CDC42BPA: variants seen among roughly 807,000 people sequenced by gnomAD.
CDC42BPA encodes serine/threonine-protein kinase MRCK alpha.
In CDC42BPA, 80 loss-of-function variants were observed where a neutral mutation model predicts 223.5. The ratio of observed to expected loss-of-function variants is 0.36; its 90% CI spans 0.30 to 0.43. CDC42BPA has a LOEUF of 0.43. Among genes scored for constraint, CDC42BPA ranks in the 20% least tolerant of loss-of-function variants. CDC42BPA has a pLI of 1.00. For missense variants in CDC42BPA, 1,743 were observed against 2,099.9 expected (o/e 0.83, Z 3.32); for synonymous variants, 694 against 718.6 (o/e 0.97, Z 0.55).
At chr1:227,291,218 G>A (rs555541210) in intron 1 of CDC42BPA, among the ~76,000 whole-genome samples, 5 of 152,126 alleles carry the variant, frequency 3.3e-5, no homozygotes, top group Admixed American at 6.5e-5. Flanking sequence ...ATGTTGCTCC[G>A]GTGCCATCTG....
chr1:227,195,771 C>G (rs187369066), intron 4 of CDC42BPA, among the ~76,000 whole-genome samples: 13 of 152,156 alleles, frequency 8.5e-5, no homozygotes, highest in Admixed American at 7.9e-4. Context: ...TAATCACAAA[C>G]TACTTTTAAA....
intron 3 of CDC42BPA, among the ~76,000 whole-genome samples, chr1:227,208,951 T>A (rs568858178): frequency 1.3e-5 from 2 of 152,094 alleles, no homozygotes; most frequent in African/African-American, 4.8e-5. Context: ...ATGGGCAGTA[T>A]GGCCATTTTC....
At chr1:226,999,036 C>T (rs1009000181) in intron 35 of CDC42BPA, among the ~76,000 whole-genome samples, 2 of 151,618 alleles carry the variant, frequency 1.3e-5, no homozygotes, top group African/African-American at 2.4e-5. Context: ...AAGAAACATA[C>T]AAAAAAAAGC....
At chr1:227,115,592 C>T (rs1335712436) in intron 12 of CDC42BPA, among the ~76,000 whole-genome samples, 1 of 151,390 alleles carries the variant, frequency 6.6e-6, no homozygotes, top group Non-Finnish European at 1.5e-5. Flanking sequence ...AATTGGAACA[C>T]GAACTATTTT....
intron 21 of CDC42BPA, among the ~76,000 whole-genome samples, chr1:227,057,910 A>C (rs190637579): frequency 6.6e-6 from 1 of 152,224 alleles, no homozygotes. Flanking sequence ...TTAATCCATA[A>C]TAAAATGAGA....
rs373530803 is a variant in CDC42BPA, at chr1:227,101,109, T to C, written c.2132A>G (p.His711Arg). 2.4e-5 allele frequency: 38 copies of C among 1,576,706 alleles called. No individual in the cohort carries two copies. Among genetic ancestry groups the C allele is most frequent in the Non-Finnish European group, 3.1e-5 (36 of 1,146,720 alleles). ...EEELSKREGI[H>R]ANEIKNLKKE... ...CTTAAGATTTTTTATTTCATTTGCA[T>C]GTATTCCTTCTCTTTTAGATAATTC... The change falls in exon 15 of 37, where the codon CAT (histidine) becomes CGT (arginine). Residue 711 changes from histidine (H) to arginine (R), a missense_variant. Coordinates refer to ENST00000366766, the MANE Select transcript of CDC42BPA (RefSeq NM_001394014.1).
At chr1:227,121,640 G>A (rs1291124716) in intron 11 of CDC42BPA, among the ~76,000 whole-genome samples, 1 of 151,988 alleles carries the variant, frequency 6.6e-6, no homozygotes, top group Non-Finnish European at 1.5e-5. Context: ...CTTAATCATG[G>A]TGTTTAGTCT....
intron 16 of CDC42BPA, 124 bp downstream of exon 16, chr1:227,091,762 C>A: frequency 1.9e-6 from 1 of 530,008 alleles, no homozygotes; most frequent in African/African-American, 1.9e-5. Flanking sequence ...ATAGAAGCAA[C>A]ATAACTCAGG....
In CDC42BPA at chr1:226,994,036, T is replaced by G; in HGVS notation, c.*232A>C. On this transcript the variant is annotated 3_prime_UTR_variant, in exon 37 of 37. Coordinates refer to ENST00000366766, the MANE Select transcript of CDC42BPA (RefSeq NM_001394014.1). The surrounding 1 kb of genome is among the most constrained non-coding windows in gnomAD (Gnocchi z 4.0). ...TGAAAGCAACTCTAAGTGCATGGAA[T>G]GAAATCAACGTTAATCTAAGCTGCT... 3 of 485,502 alleles carry G rather than the reference T, an allele frequency of 6.2e-6. 1 individual carries two copies. In the South Asian group the frequency reaches 7.8e-5, roughly 13 times the overall value. 30.1% of individuals were successfully genotyped at this position (485,502 alleles called of 1,614,324 possible). A position where few individuals can be genotyped will look rare whatever the true frequency, so the allele number is the denominator to read the frequency against.
chr1:227,164,837 C>G (rs1664752419), intron 5 of CDC42BPA, among the ~76,000 whole-genome samples: 1 of 152,238 alleles, frequency 6.6e-6, no homozygotes, highest in Non-Finnish European at 1.5e-5. Flanking sequence ...CAACATTACT[C>G]TTATCACTTC....
intron 21 of CDC42BPA, among the ~76,000 whole-genome samples, chr1:227,066,400 C>A (rs1192758614): frequency 7.2e-6 from 1 of 138,790 alleles, no homozygotes; most frequent in South Asian, 2.2e-4. Flanking sequence ...AAAAAAAAAA[C>A]AAAAACAAAA....
At chr1:227,069,347 T>C (rs1304381640) in intron 21 of CDC42BPA, 1 of 153,216 alleles carries the variant, frequency 6.5e-6, no homozygotes, top group East Asian at 1.9e-4. Flanking sequence ...ACAAAAGCAC[T>C]TCTTACTGTA....
intron 2 of CDC42BPA, among the ~76,000 whole-genome samples, chr1:227,228,848 A>C (rs1677317282): frequency 6.6e-6 from 1 of 152,144 alleles, no homozygotes; most frequent in South Asian, 2.1e-4. Flanking sequence ...AGCTATCCAA[A>C]TCACTCATCA....
intron 3 of CDC42BPA, among the ~76,000 whole-genome samples, chr1:227,201,860 C>T (rs1384846524): frequency 1.3e-5 from 2 of 151,680 alleles, no homozygotes; most frequent in Non-Finnish European, 2.9e-5. Context: ...TTAATGGCTA[C>T]ACCATATTCC....
At chr1:227,235,766 A>G (rs1418537616) in intron 2 of CDC42BPA, among the ~76,000 whole-genome samples, 2 of 152,180 alleles carry the variant, frequency 1.3e-5, no homozygotes, top group Non-Finnish European at 2.9e-5. Context: ...TCCTACTCCA[A>G]CCAACCTCCC....
chr1:227,091,327 G>C (rs1683038737), intron 16 of CDC42BPA, among the ~76,000 whole-genome samples: 1 of 152,184 alleles, frequency 6.6e-6, no homozygotes, highest in Non-Finnish European at 1.5e-5. Context: ...GGAGGTGACT[G>C]GATCAGGAGG....
intron 8 of CDC42BPA, among the ~76,000 whole-genome samples, chr1:227,143,816 C>T (rs553977466): frequency 6.6e-5 from 10 of 152,228 alleles, no homozygotes; most frequent in African/African-American, 2.2e-4. Context: ...CCTGTATTTC[C>T]CTCAGAGCAA....
chr1:227,029,142 G>C lies in CDC42BPA; in HGVS notation c.3947C>G (p.Pro1316Arg). Residue 1316 changes from proline (P) to arginine (R), a missense_variant, in exon 30 of 37, where the codon CCT becomes CGT. By Grantham distance (103) the Pro-to-Arg change is moderately radical. Transcript: ENST00000366766. Reference protein sequence around the residue: ...SGRNRHVRLFPMSALDGRETD... With the variant: ...SGRNRHVRLFRMSALDGRETD... ...CTCTCGCCCATCCAATGCTGACATA[G>C]GAAAAAGTCGTACATGACGATTTCG... 2 of 1,608,746 alleles carry C rather than the reference G, an allele frequency of 1.2e-6. No homozygotes were observed. The highest frequency in any genetic ancestry group is 8.5e-7 in the Non-Finnish European group (1 of 1,179,968).
At chr1:227,160,148 C>T (rs1458621896) in intron 6 of CDC42BPA, among the ~76,000 whole-genome samples, 1 of 152,066 alleles carries the variant, frequency 6.6e-6, no homozygotes. Flanking sequence ...AATAACTAAG[C>T]AATTTAGGAA....
Sources: allele counts gnomAD v4.1 joint callset (sites outside exome capture counted in the v4.1 genomes callset), GRCh38; gene constraint gnomAD v4.1.1; non-coding constraint Gnocchi (gnomAD v3.1); transcripts MANE v1.5; gene names NCBI Gene and HGNC (gene_info 2026-07-23, HGNC 2026-07-21).